Variants in PIAS1 observed in about 807,000 individuals in gnomAD.
PIAS1 encodes the protein protein inhibitor of activated STAT 1.
Under a neutral mutation model 71.3 loss-of-function variants are expected in PIAS1, and 6 were observed. That is an observed-to-expected ratio of 0.08 (90% confidence interval 0.05 to 0.17). The LOEUF is 0.17. PIAS1 is among the 10% of genes least tolerant of loss of function. The pLI is 1.00. For synonymous variants in PIAS1, 303 were observed against 292.9 expected, an observed-to-expected ratio of 1.03 and a Z score of -0.35; for missense variants, 555 against 793.6, an observed-to-expected ratio of 0.70 and a Z score of 3.61.
At chr15:68,110,293 G>A (rs2092511457) in intron 2 of PIAS1, among the ~76,000 whole-genome samples, 1 of 151,880 alleles carries the variant, frequency 6.6e-6, no homozygotes, top group Non-Finnish European at 1.5e-5. Context: ...TAGAAAGACA[G>A]TCCTTTGAAA....
Position 68,178,073 on chromosome 15 carries a change from T to G in PIAS1, c.1481+1419T>G, listed in dbSNP as rs1567078443. 6.6e-6 allele frequency among the ~76,000 whole-genome samples: 1 copy of G among 152,188 alleles called. No individual in the cohort carries two copies. The highest frequency in any genetic ancestry group is 1.5e-5 in the Non-Finnish European group (1 of 68,030). The stretch of plus-strand genomic sequence containing the variant: ...GATGAGATTAAAGATTTCTATCAGT[T>G]TGAGACCAGCCTGGGCAACATGGTA... On this transcript the variant is annotated intron_variant, in intron 11 of 13. Transcript: ENST00000249636. The surrounding 1 kb of genome is among the most constrained non-coding windows in gnomAD (Gnocchi z 4.2).
rs751044157 is a variant in PIAS1, at chr15:68,187,574, A to G, written c.1695A>G (p.Ala565=). The change falls in exon 14 of 14, where the codon GCA becomes GCG. Residue 565 remains alanine (A), a synonymous_variant. Transcript: ENST00000249636. The surrounding 1 kb of genome is among the most constrained non-coding windows in gnomAD (Gnocchi z 5.3). ...HYNTSLLAAA[A]AAVSDDQDLL... ...ACACCTCCTTGCTTGCCGCTGCAGC[A>G]GCAGCAGTTTCAGATGATCAAGACC... 72 of 1,613,772 alleles carry G rather than the reference A, an allele frequency of 4.5e-5. No individual in the cohort carries two copies. The highest frequency in any genetic ancestry group is 5.8e-5 in the Non-Finnish European group (68 of 1,179,790).
chr15:68,084,888 A>T (rs1215636051), intron 1 of PIAS1, among the ~76,000 whole-genome samples: 1 of 152,202 alleles, frequency 6.6e-6, no homozygotes, highest in African/African-American at 2.4e-5. Context: ...AGTAAAGATC[A>T]TCCTACCAAG....
At chr15:68,124,758 A>G (rs528179299) in intron 2 of PIAS1, among the ~76,000 whole-genome samples, 3 of 152,316 alleles carry the variant, frequency 2.0e-5, no homozygotes, top group African/African-American at 7.2e-5. Flanking sequence ...CCCAAAAGTT[A>G]TAAATGAATA....
intron 2 of PIAS1, among the ~76,000 whole-genome samples, chr15:68,088,354 C>T (rs1284923221): frequency 6.6e-6 from 1 of 151,624 alleles, no homozygotes; most frequent in Non-Finnish European, 1.5e-5. Context: ...TATACTTCCC[C>T]TGGTAGCAGT....
intron 1 of PIAS1, among the ~76,000 whole-genome samples, chr15:68,082,631 G>C (rs762817896): frequency 6.6e-6 from 1 of 152,092 alleles, no homozygotes; most frequent in South Asian, 2.1e-4. Context: ...AATAATGTAA[G>C]TACTGACAAT....
At chr15:68,101,130 A>G (rs2092421312) in intron 2 of PIAS1, among the ~76,000 whole-genome samples, 1 of 151,888 alleles carries the variant, frequency 6.6e-6, no homozygotes, top group Non-Finnish European at 1.5e-5. Context: ...AAACTCCTGG[A>G]GTCAAGTGAT....
In PIAS1 at chr15:68,071,027, T is replaced by C. The variant is rs77156959; in HGVS notation, c.25-15279T>C. ...TTTGAACAGCACTTTTCTAGAGATA[T>C]TACTGCTCATAAGTAGAATGGGAAT... On this transcript the variant is annotated intron_variant, in intron 1 of 13. Transcript: ENST00000249636. Among the ~76,000 whole-genome samples the C allele has an allele frequency of 6.1e-3, 935 of 152,280 alleles. 4 individuals are homozygous for C. The highest frequency in any genetic ancestry group is 0.032 in the East Asian group (168 of 5,180).
rs528145338 is a variant in PIAS1 at position 68,069,302 on chromosome 15, C to T, written c.24+14952C>T. ...TATTCTTTGTGGCTATAGGTATTCT[C>T]TGCTAAATCTTGCAAACAAGCATTC... is the stretch of plus-strand genomic sequence containing the variant. On this transcript the variant is annotated intron_variant, in intron 1 of 13. Transcript: ENST00000249636. 2.0e-5 allele frequency among the ~76,000 whole-genome samples: 3 copies of T among 152,300 alleles called. No individual in the cohort carries two copies. The South Asian group carries it at 6.2e-4, about 32-fold the overall frequency.
At chr15:68,154,263 T>C (rs535504272) in intron 7 of PIAS1, among the ~76,000 whole-genome samples, 13 of 152,204 alleles carry the variant, frequency 8.5e-5, no homozygotes, top group African/African-American at 3.1e-4. Flanking sequence ...TTTTGATACG[T>C]TGAATTTGAG....
chr15:68,142,574 T>G (rs1024046338), intron 4 of PIAS1, among the ~76,000 whole-genome samples: 1 of 152,126 alleles, frequency 6.6e-6, no homozygotes, highest in Non-Finnish European at 1.5e-5. Flanking sequence ...AGGGAAAACA[T>G]TCTCCTGTTA....
In PIAS1 at chr15:68,173,851, C is replaced by T; in HGVS notation, c.1128C>T (p.Val376=). The T allele has an allele frequency of 6.3e-7, 1 of 1,590,182 alleles. No homozygotes were observed. The part of the protein sequence containing the change: ...NEKKPTWVCP[V]CDKKAPYEHL... ...AAAAACCAACCTGGGTTTGTCCTGT[C>T]TGTGATAAGAAGGCTCCATATGAAC... Residue 376 remains valine, a synonymous_variant, in exon 9 of 14, where the codon GTC becomes GTT. Coordinates refer to ENST00000249636, the MANE Select transcript of PIAS1 (RefSeq NM_016166.3). This position sits in a 1 kb window ranked among gnomAD's most constrained non-coding sequence, Gnocchi z 4.3.
chr15:68,172,161 A>G (rs894023609), intron 8 of PIAS1, among the ~76,000 whole-genome samples: 1 of 149,838 alleles, frequency 6.7e-6, no homozygotes. Flanking sequence ...AGAACATGTG[A>G]TGTTTGGTTT....
Position 68,171,206 on chromosome 15 carries a change from C to T in PIAS1, c.1009-2526C>T, listed in dbSNP as rs187079193. Among the ~76,000 whole-genome samples the T allele has an allele frequency of 3.5e-3, 533 of 152,274 alleles. 1 individual carries two copies. Among genetic ancestry groups the T allele is most frequent in the Admixed American group, 8.6e-3 (132 of 15,294 alleles). ...TCCGGATCATCAGTATCACTACTTT[C>T]CACCTCCACATCTTTTCCCACTGGA... On this transcript the variant is annotated intron_variant, in intron 8 of 13. Coordinates refer to ENST00000249636, the MANE Select transcript of PIAS1 (RefSeq NM_016166.3). This position sits in a 1 kb window ranked among gnomAD's most constrained non-coding sequence, Gnocchi z 4.4.
At chr15:68,122,258 C>T (rs1302133147) in intron 2 of PIAS1, among the ~76,000 whole-genome samples, 1 of 152,162 alleles carries the variant, frequency 6.6e-6, no homozygotes, top group Non-Finnish European at 1.5e-5. Flanking sequence ...TAGTTGACTT[C>T]ATTGTAGTTC....
At chr15:68,114,700 A>G (rs1199397258) in intron 2 of PIAS1, among the ~76,000 whole-genome samples, 1 of 152,044 alleles carries the variant, frequency 6.6e-6, no homozygotes, top group East Asian at 1.9e-4. Flanking sequence ...TGTTTCTATC[A>G]TCAGAATCTC....
rs1295948478 is a variant in PIAS1, at chr15:68,187,959, TTTTTTAGGGAAA to T, written c.*125_*136del. ...AGTATACAAGCGTGTTTTTTTTCCT[TTTTTTAGGGAAA>T]AAATTAAAAGAAATGTACAGAGAAC... is the stretch of plus-strand genomic sequence containing the variant. On this transcript the variant is annotated 3_prime_UTR_variant, in exon 14 of 14. Coordinates refer to ENST00000249636, the MANE Select transcript of PIAS1 (RefSeq NM_016166.3). The surrounding 1 kb of genome is among the most constrained non-coding windows in gnomAD (Gnocchi z 5.3). 2.4e-6 allele frequency: 2 copies of T among 819,716 alleles called. No homozygotes were observed. Among genetic ancestry groups the T allele is most frequent in the Non-Finnish European group, 3.7e-6 (2 of 535,164 alleles). The allele number at this position is 819,716 out of a possible 1,614,324, so 50.8% of individuals were successfully genotyped here.
rs1320578924 is a variant in PIAS1, at chr15:68,187,426, C to T, written c.1663-116C>T. 1 of 923,550 alleles carries T rather than the reference C, an allele frequency of 1.1e-6. No homozygotes were observed. The highest frequency in any genetic ancestry group is 1.6e-6 in the Non-Finnish European group (1 of 614,394). 57.2% of individuals were successfully genotyped at this position (923,550 alleles called of 1,614,324 possible). ...TTGCAAAATGTCTTAGTAAATATTTCAGAAACCCTAGATACTCAGGCTATC... is the reference window on the plus strand; with the variant it reads ...TTGCAAAATGTCTTAGTAAATATTTTAGAAACCCTAGATACTCAGGCTATC... On this transcript the variant is annotated intron_variant, in intron 13 of 13. Coordinates refer to ENST00000249636, the MANE Select transcript of PIAS1 (RefSeq NM_016166.3). This position sits in a 1 kb window ranked among gnomAD's most constrained non-coding sequence, Gnocchi z 5.3.
rs1555425135 is a variant in PIAS1 at position 68,090,927 on chromosome 15, G to GGTGGGTGTGT, written c.469+4180_469+4181insGGTGTGTGTG. On this transcript the variant is annotated intron_variant, in intron 2 of 13. Transcript: ENST00000249636. ...GTATTCTTTTTGTTAGTCATTTACGGGTGTGTGTGTGTGTGTGTGTGTGTG... is the reference window on the plus strand; with the variant it reads ...GTATTCTTTTTGTTAGTCATTTACGGGTGGGTGTGTGTGTGTGTGTGTGTGTGTGTGTGTG... Among the ~76,000 whole-genome samples, 723 of 142,860 alleles carry GGTGGGTGTGT rather than the reference G, an allele frequency of 5.1e-3. 8 individuals are homozygous for GGTGGGTGTGT. The highest frequency in any genetic ancestry group is 0.018 in the African/African-American group (682 of 38,332). 93.7% of individuals were successfully genotyped at this position (142,860 alleles called of 152,430 possible).
Sources: gnomAD v4.1 joint callset for allele counts (sites outside exome capture counted in the v4.1 genomes callset) on GRCh38, gnomAD v4.1.1 for gene constraint, Gnocchi (gnomAD v3.1) non-coding constraint, MANE v1.5 for transcripts, NCBI Gene and HGNC (gene_info 2026-07-23, HGNC 2026-07-21) for gene names.